Variants in ATAD2B observed in about 807,000 individuals in gnomAD.
ATAD2B encodes ATPase family AAA domain containing 2B, also known as ATPase family AAA domain-containing protein 2B.
Under a neutral mutation model 167.6 loss-of-function variants are expected in ATAD2B, and 40 were observed. The ratio of observed to expected loss-of-function variants is 0.24; its 90% CI spans 0.19 to 0.31. ATAD2B has a LOEUF of 0.31. Among genes scored for constraint, ATAD2B ranks in the 10% least tolerant of loss-of-function variants. The pLI, the probability that ATAD2B is intolerant of heterozygous loss-of-function variation, is 1.00. For missense variants in ATAD2B, 1,242 were observed against 1,757.2 expected, an observed-to-expected ratio of 0.71 and a Z score of 5.24; for synonymous variants, 579 against 596.5, an observed-to-expected ratio of 0.97 and a Z score of 0.43.
At chr2:23,800,800 G>A (rs1362376314) in intron 18 of ATAD2B, among the ~76,000 whole-genome samples, 1 of 151,496 alleles carries the variant, frequency 6.6e-6, no homozygotes, top group African/African-American at 2.4e-5. Flanking sequence ...AAAGCCTTTA[G>A]GAAAATGTCC....
the ATAD2B span, among the ~76,000 whole-genome samples, chr2:23,688,055 G>A: frequency 6.6e-6 from 1 of 152,178 alleles, no homozygotes. Context: ...TCTTCCCTGA[G>A]CATGTGTGGG....
At chr2:23,738,218 G>T in the ATAD2B span, among the ~76,000 whole-genome samples, 4 of 152,214 alleles carry the variant, frequency 2.6e-5, no homozygotes, top group African/African-American at 9.6e-5. Context: ...GATAGTCCTT[G>T]AGAAGAGCAA....
chr2:23,873,855 G>C (rs576835607), intron 8 of ATAD2B, among the ~76,000 whole-genome samples: 31 of 152,278 alleles, frequency 2.0e-4, no homozygotes, highest in Middle Eastern at 6.8e-3. Context: ...CAAAAATAGT[G>C]GTATACATAA....
At chr2:23,715,299 G>A in the ATAD2B span, among the ~76,000 whole-genome samples, 10 of 152,144 alleles carry the variant, frequency 6.6e-5, no homozygotes, top group Admixed American at 6.5e-4. Flanking sequence ...TGAAGGCCAG[G>A]CACGGTGGCT....
chr2:23,866,974 A>C (rs1242298582), intron 10 of ATAD2B, among the ~76,000 whole-genome samples: 2 of 152,164 alleles, frequency 1.3e-5, no homozygotes, highest in Non-Finnish European at 1.5e-5. Flanking sequence ...TTTTTGTGCT[A>C]TGTATCTTCC....
At chr2:23,839,293 T>C (rs1485179649) in intron 13 of ATAD2B, among the ~76,000 whole-genome samples, 1 of 152,126 alleles carries the variant, frequency 6.6e-6, no homozygotes, top group Non-Finnish European at 1.5e-5. Context: ...GTCAGAAGTG[T>C]TCATAGCAAA....
intron 22 of ATAD2B, among the ~76,000 whole-genome samples, chr2:23,766,406 A>G (rs1282412219): frequency 6.6e-6 from 1 of 152,236 alleles, no homozygotes; most frequent in Admixed American, 6.5e-5. Context: ...GTTGCAAAAC[A>G]ACATTTGCTT....
chr2:23,905,380 C>T (rs996847242), intron 1 of ATAD2B, among the ~76,000 whole-genome samples: 2 of 152,092 alleles, frequency 1.3e-5, no homozygotes, highest in African/African-American at 2.4e-5. Flanking sequence ...AAAAATTAGC[C>T]GTGAGTAGTG....
At chr2:23,723,011 G>A in the ATAD2B span, among the ~76,000 whole-genome samples, 4 of 152,190 alleles carry the variant, frequency 2.6e-5, no homozygotes, top group Admixed American at 6.5e-5. Flanking sequence ...TGGGCAAATA[G>A]CCAGGTACAG....
At chr2:23,808,769 G>A (rs1018115807) in intron 18 of ATAD2B, among the ~76,000 whole-genome samples, 1 of 151,964 alleles carries the variant, frequency 6.6e-6, no homozygotes. Context: ...CTTTAGTAAT[G>A]TTATATTATT....
chr2:23,863,642 T>C, intron 11 of ATAD2B, 87 bp from the exon 12 acceptor site: 1 of 1,194,496 alleles, frequency 8.4e-7, no homozygotes. Flanking sequence ...CCCTTCCATA[T>C]AATTTTGTAT....
chr2:23,802,600 C>T (rs546734109), intron 18 of ATAD2B, among the ~76,000 whole-genome samples: 1 of 151,340 alleles, frequency 6.6e-6, no homozygotes, highest in South Asian at 2.1e-4. Context: ...AAATGTGACA[C>T]ACTCCAGGTC....
At chr2:23,684,623 C>A in the ATAD2B span, 1 of 1,263,436 alleles carries the variant, frequency 7.9e-7, no homozygotes, top group Non-Finnish European at 1.1e-6. The surrounding 1 kb of genome is among the most constrained non-coding windows in gnomAD (Gnocchi z 4.4). Flanking sequence ...CTTGCAGGTT[C>A]CTGAAGCGTG....
intron 8 of ATAD2B, among the ~76,000 whole-genome samples, chr2:23,870,768 G>A (rs1327672330): frequency 2.0e-5 from 3 of 151,674 alleles, no homozygotes; most frequent in Non-Finnish European, 2.9e-5. Flanking sequence ...GAGGACAAGG[G>A]CTTTAACTCA....
At chr2:23,679,502 C>A in the ATAD2B span, among the ~76,000 whole-genome samples, 1 of 152,170 alleles carries the variant, frequency 6.6e-6, no homozygotes, top group Non-Finnish European at 1.5e-5. Context: ...CCACCACATT[C>A]TGTAGTCCAA....
At position 23,885,768 on chromosome 2, in the gene ATAD2B, C is replaced by T. The variant is rs200925069; in HGVS notation, c.634G>A (p.Gly212Arg). Residue 212 changes from glycine (G) to arginine (R), a missense_variant, in exon 5 of 28, where the codon GGA becomes AGA. By Grantham distance (125) the Gly-to-Arg change is moderately radical. Around this residue, in one of 9 missense-constraint regions of ATAD2B, gnomAD observed 99 missense variants for 160.4 expected, o/e 0.62. Transcript: ENST00000238789. Reference protein sequence around the residue: ...NINIRRNRRSGEVERLRMWTD... With the variant: ...NINIRRNRRSREVERLRMWTD... ...CACATTCGAAGTCGTTCTACTTCTC[C>T]TGATCGACGATTCCGTCGGATGTTA... 6.2e-7 allele frequency: 1 copy of T among 1,600,376 alleles called. No individual in the cohort carries two copies. Among genetic ancestry groups the T allele is most frequent in the Non-Finnish European group, 8.5e-7 (1 of 1,172,410 alleles).
intron 1 of ATAD2B, among the ~76,000 whole-genome samples, chr2:23,905,021 C>G (rs1558772727): frequency 1.3e-5 from 2 of 151,986 alleles, no homozygotes; most frequent in Non-Finnish European, 2.9e-5. Context: ...TTTAGTATTT[C>G]TAAGCAATCA....
intron 7 of ATAD2B, among the ~76,000 whole-genome samples, chr2:23,876,644 C>G (rs1696888794): frequency 6.6e-6 from 1 of 152,048 alleles, no homozygotes; most frequent in South Asian, 2.1e-4. Context: ...TTTTCAAGTA[C>G]CAAATGCTGT....
intron 17 of ATAD2B, among the ~76,000 whole-genome samples, chr2:23,818,075 TAA>T (rs1404137168): frequency 7.8e-5 from 2 of 25,622 alleles, no homozygotes; most frequent in South Asian, 1.2e-3. Context: ...CAAACACACA[TAA>T]ACACACACAC....
Sources: gnomAD v4.1 joint callset for allele counts (sites outside exome capture counted in the v4.1 genomes callset) on GRCh38, gnomAD v4.1.1 for gene constraint, gnomAD v4.1.1 regional missense constraint, Gnocchi (gnomAD v3.1) non-coding constraint, MANE v1.5 for transcripts, NCBI Gene and HGNC (gene_info 2026-07-23, HGNC 2026-07-21) for gene names.